AK4: variants seen among roughly 807,000 people sequenced by gnomAD.
AK4 encodes adenylate kinase 4, mitochondrial.
AK4 carries 13 observed loss-of-function variants against 24.6 expected under a neutral mutation model. The ratio of observed to expected loss-of-function variants is 0.53; its 90% CI spans 0.34 to 0.84. The LOEUF is 0.84. Among genes scored for constraint, AK4 ranks in the 40% least tolerant of loss-of-function variants. The probability of loss-of-function intolerance (pLI) is 0.01; values close to 1 mark genes in which losing one functional copy is unlikely to be tolerated. For missense variants in AK4, 192 were observed against 288.2 expected (o/e 0.67, Z 2.42); for synonymous variants, 88 against 107.0 (o/e 0.82, Z 1.10).
At chr1:65,196,964 G>C (rs1018062846) in intron 2 of AK4, among the ~76,000 whole-genome samples, 3 of 152,148 alleles carry the variant, frequency 2.0e-5, no homozygotes, top group African/African-American at 7.2e-5. Flanking sequence ...AGCAGGCAAA[G>C]AGAGACAGCT....
intron 1 of AK4, among the ~76,000 whole-genome samples, chr1:65,180,809 CGCAGGTGCGCACACACGTGT>C (rs1267401826): frequency 2.6e-5 from 4 of 152,004 alleles, no homozygotes; most frequent in African/African-American, 7.2e-5. Flanking sequence ...TATGTGTGTG[CGCAGGTGCGCACACACGTGT>C]GCACTGCCAT....
At chr1:65,222,634 G>A (rs936631198) in intron 3 of AK4, among the ~76,000 whole-genome samples, 1 of 152,140 alleles carries the variant, frequency 6.6e-6, no homozygotes, top group African/African-American at 2.4e-5. Context: ...GGCAATAGAG[G>A]TAATATATTC....
At position 65,226,119 on chromosome 1, in the gene AK4, A is replaced by C. The variant is rs1487321217; in HGVS notation, c.614A>C (p.Tyr205Ser). Residue 205 changes from tyrosine to serine, a missense_variant, in exon 5 of 5, where the codon TAC becomes TCC. By Grantham distance (144) the Tyr-to-Ser change is moderately radical. Coordinates refer to ENST00000327299, the MANE Select transcript of AK4 (RefSeq NM_013410.4). ...ACGGAGACGAACAAAATCTGGCCCT[A>C]CGTTTACACACTTTTCTCAAACAAG... ...SGTETNKIWPYVYTLFSNKIT... is the reference protein window; with the variant it reads ...SGTETNKIWPSVYTLFSNKIT... 6.2e-7 allele frequency: 1 copy of C among 1,611,350 alleles called. No homozygotes were observed. The highest frequency in any genetic ancestry group is 1.1e-5 in the South Asian group (1 of 90,736).
intron 2 of AK4, among the ~76,000 whole-genome samples, chr1:65,215,433 A>G (rs1652102691): frequency 6.6e-6 from 1 of 152,114 alleles, no homozygotes; most frequent in African/African-American, 2.4e-5. Context: ...CGGCCTCCCA[A>G]AGTGCTGGGA....
At chr1:65,187,631 T>C (rs1434321246) in intron 1 of AK4, among the ~76,000 whole-genome samples, 1 of 152,204 alleles carries the variant, frequency 6.6e-6, no homozygotes, top group Non-Finnish European at 1.5e-5. Context: ...TGGGATTACC[T>C]TCTATCTGAA....
intron 2 of AK4, among the ~76,000 whole-genome samples, chr1:65,202,663 T>C (rs551766885): frequency 4.6e-5 from 7 of 152,172 alleles, no homozygotes; most frequent in East Asian, 1.9e-4. Context: ...TTCCTGGGAA[T>C]TGGATGAATT....
At chr1:65,223,671 T>C (rs1374888774) in intron 3 of AK4, among the ~76,000 whole-genome samples, 5 of 152,080 alleles carry the variant, frequency 3.3e-5, no homozygotes, top group East Asian at 3.8e-4. Flanking sequence ...ACAAACATAC[T>C]GCAGAAAATC....
intron 2 of AK4, among the ~76,000 whole-genome samples, chr1:65,193,388 C>T (rs868650142): frequency 2.6e-5 from 4 of 152,250 alleles, no homozygotes; most frequent in Admixed American, 1.3e-4. Context: ...GGAAGATCTC[C>T]GAAATGCCTT....
chr1:65,160,362 G>C (rs1650120269), intron 1 of AK4, among the ~76,000 whole-genome samples: 1 of 152,178 alleles, frequency 6.6e-6, no homozygotes, highest in Non-Finnish European at 1.5e-5. Flanking sequence ...CTTGAACTTT[G>C]TATTCTCACA....
At chr1:65,186,607 A>G (rs1005003878) in intron 1 of AK4, among the ~76,000 whole-genome samples, 1 of 152,228 alleles carries the variant, frequency 6.6e-6, no homozygotes, top group Non-Finnish European at 1.5e-5. Context: ...AGTTCTAGAA[A>G]ACAATGCAAA....
intron 2 of AK4, among the ~76,000 whole-genome samples, chr1:65,202,895 G>A (rs1219789738): frequency 2.3e-5 from 2 of 85,970 alleles, no homozygotes; most frequent in African/African-American, 9.0e-5. Context: ...TTTTTAAGAT[G>A]GGGTTGTGCT....
rs1652408191 is a variant in AK4, at chr1:65,224,894, T to C, written c.557+24T>C. ...AAGTGAGTGTGCTTCAATATTTTCATGACAAAGGACAGACTGGAAAGGTGT... is the reference window on the plus strand; with the variant it reads ...AAGTGAGTGTGCTTCAATATTTTCACGACAAAGGACAGACTGGAAAGGTGT... On this transcript the variant is annotated intron_variant, in intron 4 of 4. Transcript: ENST00000327299. 1.9e-6 allele frequency: 3 copies of C among 1,577,696 alleles called. No individual in the cohort carries two copies. The African/African-American group carries it at 4.1e-5, about 21-fold the overall frequency.
intron 1 of AK4, among the ~76,000 whole-genome samples, chr1:65,177,723 GTTAAGA>G: frequency 1.3e-5 from 2 of 152,236 alleles, no homozygotes; most frequent in Middle Eastern, 6.8e-3. Context: ...ACCCTTCCTT[GTTAAGA>G]GATCAGGCTT....
intron 1 of AK4, chr1:65,154,390 T>C (rs1477631440): frequency 5.4e-6 from 2 of 373,492 alleles, no homozygotes; most frequent in Admixed American, 5.7e-5. Flanking sequence ...TTTGGGTTAT[T>C]TGCATACTTT....
chr1:65,189,676 CA>C (rs67473149), intron 1 of AK4, among the ~76,000 whole-genome samples: 75 of 82,452 alleles, frequency 9.1e-4, no homozygotes, highest in African/African-American at 3.6e-3. Flanking sequence ...CACACACACA[CA>C]CCCCACACAT....
intron 2 of AK4, among the ~76,000 whole-genome samples, chr1:65,216,903 A>T (rs1652150030): frequency 8.1e-6 from 1 of 124,012 alleles, no homozygotes; most frequent in African/African-American, 5.5e-5. Flanking sequence ...TTCTCTCTAC[A>T]TTGCCCAGGC....
chr1:65,224,950 G>A, intron 4 of AK4, 80 bp downstream of exon 4: 1 of 1,066,500 alleles, frequency 9.4e-7, no homozygotes, highest in Non-Finnish European at 1.4e-6. Context: ...CGGGGCTGAG[G>A]CAGAGTAGTG....
chr1:65,225,172 T>C (rs1359686826), intron 4 of AK4, among the ~76,000 whole-genome samples: 3 of 152,154 alleles, frequency 2.0e-5, no homozygotes, highest in Non-Finnish European at 4.4e-5. Context: ...ACTGAGATAG[T>C]GGTCCCACAT....
rs187436073 is a variant in AK4 at position 65,159,691 on chromosome 1, C to T, written c.145+11139C>T. On this transcript the variant is annotated intron_variant, in intron 1 of 4. Coordinates refer to ENST00000327299, the MANE Select transcript of AK4 (RefSeq NM_013410.4). ...CTTCTCAAAAAGAAAAAAAGTTGGC[C>T]GGGCGTGGTGGCTCATGCCTGTAAT... Among the ~76,000 whole-genome samples, 6 of 150,948 alleles carry T rather than the reference C, an allele frequency of 4.0e-5. No homozygotes were observed. The East Asian group carries it at 5.9e-4, about 15-fold the overall frequency.
Sources: allele counts gnomAD v4.1 joint callset (sites outside exome capture counted in the v4.1 genomes callset), GRCh38; gene constraint gnomAD v4.1.1; transcripts MANE v1.5; gene names NCBI Gene and HGNC (gene_info 2026-07-23, HGNC 2026-07-21).